Variants in TAOK3 observed in about 807,000 individuals in gnomAD.
The protein encoded by TAOK3 is serine/threonine-protein kinase TAO3.
In TAOK3, 40 loss-of-function variants were observed where a neutral mutation model predicts 120.4. That is an observed-to-expected ratio of 0.33 (90% confidence interval 0.26 to 0.43). The LOEUF (loss-of-function observed/expected upper bound fraction) is 0.43, where lower values mean the gene tolerates loss of function less well. Ranked by LOEUF, TAOK3 falls within the 20% of genes least tolerant of loss-of-function variation. The probability of loss-of-function intolerance (pLI) is 1.00; values close to 1 mark genes in which losing one functional copy is unlikely to be tolerated. For missense variants in TAOK3, 821 were observed against 1,112.1 expected (o/e 0.74, Z 3.72); for synonymous variants, 355 against 387.5 (o/e 0.92, Z 0.99).
intron 13 of TAOK3, among the ~76,000 whole-genome samples, chr12:118,196,050 A>AAAATAAATAAATAAAT (rs200676149): frequency 2.0e-4 from 27 of 138,204 alleles, no homozygotes; most frequent in East Asian, 8.7e-4. Flanking sequence ...ACTCCATCTC[A>AAAATAAATAAATAAAT]AAATAAATAA....
intron 1 of TAOK3, among the ~76,000 whole-genome samples, chr12:118,327,995 G>A (rs1013587064): frequency 2.0e-5 from 3 of 151,328 alleles, no homozygotes; most frequent in Non-Finnish European, 4.4e-5. Flanking sequence ...TCCACATAGT[G>A]TTTATATGCA....
chr12:118,248,330 A>G (rs1345408584), intron 3 of TAOK3, among the ~76,000 whole-genome samples: 1 of 152,114 alleles, frequency 6.6e-6, no homozygotes, highest in African/African-American at 2.4e-5. Flanking sequence ...AGAACTCCAC[A>G]AAAGCATATT....
chr12:118,303,706 G>A (rs1162794273), intron 1 of TAOK3, among the ~76,000 whole-genome samples: 1 of 152,164 alleles, frequency 6.6e-6, no homozygotes, highest in Non-Finnish European at 1.5e-5. Context: ...GGAGTGCAAT[G>A]GCATGATCTC....
intron 1 of TAOK3, among the ~76,000 whole-genome samples, chr12:118,301,915 T>G (rs2042896960): frequency 1.3e-5 from 2 of 151,478 alleles, no homozygotes; most frequent in Non-Finnish European, 2.9e-5. Flanking sequence ...TAAGAAAGGC[T>G]GGGGGTTATA....
chr12:118,247,893 C>A (rs1230643117), intron 3 of TAOK3, among the ~76,000 whole-genome samples: 1 of 152,100 alleles, frequency 6.6e-6, no homozygotes, highest in Non-Finnish European at 1.5e-5. Context: ...TAAAAGATTA[C>A]CTCTGCATCA....
chr12:118,248,555 G>A (rs544176238), intron 3 of TAOK3, among the ~76,000 whole-genome samples: 18 of 152,004 alleles, frequency 1.2e-4, no homozygotes, highest in Admixed American at 6.6e-5. Flanking sequence ...GCAGCTTAAG[G>A]AGCCTGAGAA....
chr12:118,240,096 A>G (rs1293521482), intron 5 of TAOK3, among the ~76,000 whole-genome samples: 1 of 151,682 alleles, frequency 6.6e-6, no homozygotes, highest in Non-Finnish European at 1.5e-5. Context: ...GGAACTCGAG[A>G]GGTGGAGGCT....
intron 9 of TAOK3, among the ~76,000 whole-genome samples, chr12:118,232,512 C>T (rs1315614626): frequency 4.6e-5 from 7 of 152,300 alleles, no homozygotes; most frequent in Non-Finnish European, 1.0e-4. Context: ...CATATATTAT[C>T]ATTCATAGTA....
intron 1 of TAOK3, among the ~76,000 whole-genome samples, chr12:118,320,054 C>A (rs2043636516): frequency 6.6e-6 from 1 of 152,104 alleles, no homozygotes; most frequent in African/African-American, 2.4e-5. Context: ...GATGTTACAG[C>A]ATGGATGAAC....
chr12:118,152,426 C>A lies in TAOK3; in HGVS notation c.2353-17G>T. 6.2e-7 allele frequency: 1 copy of A among 1,601,216 alleles called. No homozygotes were observed. On this transcript the variant is annotated splice_polypyrimidine_tract_variant and intron_variant, in intron 19 of 20. Coordinates refer to ENST00000392533, the MANE Select transcript of TAOK3 (RefSeq NM_016281.4). The stretch of plus-strand genomic sequence containing the variant: ...TAGCCGTAACTGCGGACACAGAAGA[C>A]ACACACGGTCATGCACCCTTGCCTA...
intron 1 of TAOK3, among the ~76,000 whole-genome samples, chr12:118,285,805 A>T (rs2042247521): frequency 6.6e-6 from 1 of 152,210 alleles, no homozygotes; most frequent in Admixed American, 6.5e-5. Flanking sequence ...CATGTGCCCA[A>T]GGTGGTCAGA....
chr12:118,306,823 T>C (rs2043069450), intron 1 of TAOK3, among the ~76,000 whole-genome samples: 1 of 152,232 alleles, frequency 6.6e-6, no homozygotes, highest in Non-Finnish European at 1.5e-5. Flanking sequence ...GCTTCATCAG[T>C]ACATTCAAAT....
intron 1 of TAOK3, among the ~76,000 whole-genome samples, chr12:118,269,715 T>C (rs2041622217): frequency 6.6e-6 from 1 of 152,318 alleles, no homozygotes. Flanking sequence ...TCTCTTCATC[T>C]TTGGTTGCCA....
At chr12:118,177,387 A>T in intron 15 of TAOK3, 58 bp from the exon 16 acceptor site, 2 of 1,533,816 alleles carry the variant, frequency 1.3e-6, no homozygotes, top group Non-Finnish European at 1.8e-6. Flanking sequence ...GAATTCAGTG[A>T]TCTATATTCT....
At chr12:118,283,112 T>A (rs558741652) in intron 1 of TAOK3, among the ~76,000 whole-genome samples, 7 of 152,326 alleles carry the variant, frequency 4.6e-5, no homozygotes, top group Admixed American at 4.6e-4. Context: ...TTCTTCCATA[T>A]CTACAAAATA....
intron 1 of TAOK3, among the ~76,000 whole-genome samples, chr12:118,320,931 A>T (rs2140941816): frequency 6.6e-6 from 1 of 152,350 alleles, no homozygotes; most frequent in African/African-American, 2.4e-5. Flanking sequence ...ACTAATGTGT[A>T]GCTAATATAA....
intron 9 of TAOK3, among the ~76,000 whole-genome samples, chr12:118,222,331 G>A (rs1283330499): frequency 6.6e-6 from 1 of 152,118 alleles, no homozygotes; most frequent in Non-Finnish European, 1.5e-5. Flanking sequence ...TCAAGAGATC[G>A]AGATGATCCT....
At chr12:118,268,429 T>C (rs2140291074) in intron 1 of TAOK3, among the ~76,000 whole-genome samples, 1 of 152,352 alleles carries the variant, frequency 6.6e-6, no homozygotes, top group East Asian at 1.9e-4. Flanking sequence ...CATTTTCACA[T>C]TTTTCTTGCT....
chr12:118,359,691 A>T (rs1317803031), intron 1 of TAOK3: 1 of 152,230 alleles, frequency 6.6e-6, no homozygotes, highest in African/African-American at 2.4e-5. Context: ...TACTATCAGT[A>T]TTGCAAGCTG....
Sources: allele counts gnomAD v4.1 joint callset (sites outside exome capture counted in the v4.1 genomes callset), GRCh38; gene constraint gnomAD v4.1.1; transcripts MANE v1.5; gene names NCBI Gene and HGNC (gene_info 2026-07-23, HGNC 2026-07-21).